TRIM37: variants seen among roughly 807,000 people sequenced by gnomAD.
TRIM37 encodes E3 ubiquitin-protein ligase TRIM37.
In TRIM37, 80 loss-of-function variants were observed where a neutral mutation model predicts 129.8. That is an observed-to-expected ratio of 0.62 (90% CI 0.51 to 0.74). TRIM37 has a LOEUF of 0.74. Among genes scored for constraint, TRIM37 ranks in the 30% least tolerant of loss-of-function variants. The pLI, the probability that TRIM37 is intolerant of heterozygous loss-of-function variation, is 0.00. For missense variants in TRIM37, 1,054 were observed against 1,176.5 expected (o/e 0.90, Z 1.52); for synonymous variants, 389 against 387.1 (o/e 1.00, Z -0.06).
intron 16 of TRIM37, among the ~76,000 whole-genome samples, chr17:59,045,612 C>G (rs1486885850): frequency 6.7e-6 from 1 of 150,296 alleles, no homozygotes; most frequent in Non-Finnish European, 1.5e-5. Context: ...GCACTTAAGC[C>G]CGGGTGACAG....
chr17:59,023,079 A>G (rs916536406), intron 19 of TRIM37, among the ~76,000 whole-genome samples: 45 of 151,894 alleles, frequency 3.0e-4, no homozygotes, highest in African/African-American at 9.9e-4. Flanking sequence ...TTTTTTATTT[A>G]TTTATTTATT....
chr17:59,024,289 C>T (rs2036983090), intron 19 of TRIM37, among the ~76,000 whole-genome samples: 1 of 149,342 alleles, frequency 6.7e-6, no homozygotes, highest in Non-Finnish European at 1.5e-5. Context: ...ATATTTTTGT[C>T]TTTTATGTCA....
At chr17:58,995,589 A>G (rs140124812), downstream of TRIM37, among the ~76,000 whole-genome samples, 360 of 152,328 alleles carry the variant, frequency 2.4e-3, 4 homozygotes, top group African/African-American at 8.3e-3. Flanking sequence ...AAGTAGCTGA[A>G]ATTACAAAAA....
chr17:59,052,832 G>A (rs907307125), intron 13 of TRIM37, among the ~76,000 whole-genome samples: 5 of 152,088 alleles, frequency 3.3e-5, no homozygotes, highest in African/African-American at 1.2e-4. Context: ...GCGGGCGCCT[G>A]TAATCCCAGC....
intron 24 of TRIM37, chr17:58,983,026 T>C: frequency 1.9e-6 from 2 of 1,059,484 alleles, no homozygotes; most frequent in Non-Finnish European, 2.8e-6. Flanking sequence ...TATTGTTGTC[T>C]ATTGGTAATG....
rs2043120934 is a variant in TRIM37, at chr17:59,079,874, T to C, written c.496A>G (p.Arg166Gly). 6.2e-7 allele frequency: 1 copy of C among 1,613,740 alleles called. No individual in the cohort carries two copies. Among genetic ancestry groups the C allele is most frequent in the Non-Finnish European group, 8.5e-7 (1 of 1,179,844 alleles). Residue 166 changes from arginine (R) to glycine (G), a missense_variant, in exon 7 of 24, where the codon AGG becomes GGG. Arg to Gly is a moderately radical substitution (Grantham distance 125, BLOSUM62 -2). Around this residue, in one of 3 missense-constraint regions of TRIM37, gnomAD observed 752 missense variants for 870.8 expected, o/e 0.86. Transcript: ENST00000262294. ...ELISLVQEVE[R>G]NVEAVRNAKD... The stretch of plus-strand genomic sequence containing the variant: ...GCATTTCTTACAGCTTCTACATTCC[T>C]TTCCTAGAAGATAAAGAGGTAAGAA...
chr17:59,032,073 C>T lies in TRIM37; in HGVS notation c.1771G>A (p.Val591Met). The change falls in exon 18 of 24, where the codon GTG (valine) becomes ATG (methionine). Residue 591 changes from valine (V) to methionine (M), a missense_variant. By Grantham distance (21) the Val-to-Met change is conservative (BLOSUM62 1). Around this residue, in one of 3 missense-constraint regions of TRIM37, gnomAD observed 752 missense variants for 870.8 expected, o/e 0.86. Transcript: ENST00000262294. ...CTTGATATTCTACTACTGGAACCCA[C>T]ATAACCATGGCTACTACCTGCAAAA... ...AGPAGSSHGY[V>M]GSSSRISRRT... The T allele has an allele frequency of 6.2e-7, 1 of 1,613,876 alleles. No individual in the cohort carries two copies. Among genetic ancestry groups the T allele is most frequent in the South Asian group, 1.1e-5 (1 of 91,064 alleles).
intron 7 of TRIM37, among the ~76,000 whole-genome samples, chr17:59,076,037 A>G (rs1194655937): frequency 1.3e-5 from 2 of 152,244 alleles, no homozygotes; most frequent in African/African-American, 4.8e-5. Flanking sequence ...CCTTGGGAAG[A>G]AGCAATAACA....
intron 3 of TRIM37, among the ~76,000 whole-genome samples, chr17:59,088,892 G>A (rs550457123): frequency 1.3e-5 from 2 of 152,080 alleles, no homozygotes; most frequent in Admixed American, 6.6e-5. Context: ...ACATTAACAC[G>A]TCATTTATGA....
chr17:58,979,135 G>A (rs891896071), downstream of TRIM37, among the ~76,000 whole-genome samples: 1 of 152,218 alleles, frequency 6.6e-6, no homozygotes, highest in African/African-American at 2.4e-5. Context: ...GGCCCAGAAA[G>A]ACCTTGGGTT....
rs1245069848 is a variant in TRIM37 at position 58,999,056 on chromosome 17, A to G, written c.*321T>C. The G allele has an allele frequency of 1.7e-6, 2 of 1,172,288 alleles. No individual in the cohort carries two copies. The highest frequency in any genetic ancestry group is 5.7e-5 in the East Asian group (1 of 17,458). The allele number at this position is 1,172,288 out of a possible 1,614,324, so 72.6% of individuals were successfully genotyped here. A position where few individuals can be genotyped will look rare whatever the true frequency, so the allele number is the denominator to read the frequency against. On this transcript the variant is annotated 3_prime_UTR_variant, in exon 24 of 24. Transcript: ENST00000262294. ...GACGGCATGCAGGGCCTGGAGGTAC[A>G]TTTTCTGGCAGTTAACCAGCCTTCT...
At chr17:59,067,495 G>A (rs1380549072) in intron 9 of TRIM37, among the ~76,000 whole-genome samples, 4 of 152,150 alleles carry the variant, frequency 2.6e-5, no homozygotes, top group Non-Finnish European at 5.9e-5. Flanking sequence ...GGAAAAAAGG[G>A]AGAACCACAA....
chr17:59,077,661 T>C (rs977172301), intron 7 of TRIM37, among the ~76,000 whole-genome samples: 3 of 150,618 alleles, frequency 2.0e-5, no homozygotes, highest in African/African-American at 7.3e-5. Context: ...AATACAAAAA[T>C]TAGCAGGGCG....
At position 59,028,472 on chromosome 17, in the gene TRIM37, C is replaced by G. The variant is rs567440027; in HGVS notation, c.2200G>C (p.Asp734His). 12 of 1,614,102 alleles carry G rather than the reference C, an allele frequency of 7.4e-6. No homozygotes were observed. In the South Asian group the frequency reaches 1.3e-4, roughly 18 times the overall value. Residue 734 changes from aspartate to histidine, a missense_variant, in exon 19 of 24, where the codon GAT becomes CAT. Physicochemically the swap from Asp to His is moderately conservative, Grantham distance 81 (BLOSUM62 -1). Transcript: ENST00000262294. The stretch of plus-strand genomic sequence containing the variant: ...TTTGCCAGGAGTTCCATTCCCAAAT[C>G]CTGCAATCTGCCAGAGTTTTCAGTT... ...CGTENSGRLQ[D>H]LGMELLAKSS...
the TRIM37 span, among the ~76,000 whole-genome samples, chr17:58,972,644 C>T: frequency 6.6e-6 from 1 of 152,226 alleles, no homozygotes; most frequent in Non-Finnish European, 1.5e-5. Flanking sequence ...AGCCACCGCG[C>T]CCGGCCAGGA....
At chr17:59,090,793 T>C (rs956105524) in intron 3 of TRIM37, among the ~76,000 whole-genome samples, 1 of 151,960 alleles carries the variant, frequency 6.6e-6, no homozygotes, top group African/African-American at 2.4e-5. Flanking sequence ...GCCCAGCTAA[T>C]TTTTGTATTT....
At chr17:59,089,780 T>G (rs1450771933) in intron 3 of TRIM37, among the ~76,000 whole-genome samples, 1 of 152,164 alleles carries the variant, frequency 6.6e-6, no homozygotes, top group African/African-American at 2.4e-5. Flanking sequence ...AAGTTCTACT[T>G]GATAATGCTG....
At chr17:59,086,142 T>C (rs1384343697) in intron 4 of TRIM37, among the ~76,000 whole-genome samples, 1 of 152,182 alleles carries the variant, frequency 6.6e-6, no homozygotes, top group East Asian at 1.9e-4. Context: ...GAACTGTACA[T>C]TAAAAAATGA....
In TRIM37 at chr17:59,081,949, A is replaced by T. The variant is rs1348755285; in HGVS notation, c.370-730T>A. Among the ~76,000 whole-genome samples, 109 of 117,068 alleles carry T rather than the reference A, an allele frequency of 9.3e-4. No individual in the cohort carries two copies. The East Asian group carries it at 0.011, about 12-fold the overall frequency. The allele number at this position is 117,068 out of a possible 152,430, so 76.8% of individuals were successfully genotyped here. A position where few individuals can be genotyped will look rare whatever the true frequency, so the allele number is the denominator to read the frequency against. On this transcript the variant is annotated intron_variant, in intron 5 of 23. Coordinates refer to ENST00000262294, the MANE Select transcript of TRIM37 (RefSeq NM_015294.6). The stretch of plus-strand genomic sequence containing the variant: ...TAATAATAAAAACCAAAAAAAAAAA[A>T]AAATAAAAAAAAAAAAATAATAATA...
Sources: gnomAD v4.1 joint callset for allele counts (sites outside exome capture counted in the v4.1 genomes callset) on GRCh38, gnomAD v4.1.1 for gene constraint, gnomAD v4.1.1 regional missense constraint, MANE v1.5 for transcripts, NCBI Gene and HGNC (gene_info 2026-07-23, HGNC 2026-07-21) for gene names.